PSMD13: variants seen among roughly 807,000 people sequenced by gnomAD.
PSMD13 encodes the protein 26S proteasome non-ATPase regulatory subunit 13.
PSMD13 carries 8 observed loss-of-function variants against 57.4 expected under a neutral mutation model. The ratio of observed to expected loss-of-function variants is 0.14; its 90% CI spans 0.08 to 0.25. The LOEUF is 0.25. Among genes scored for constraint, PSMD13 ranks in the 10% least tolerant of loss-of-function variants. PSMD13 has a pLI of 1.00. For synonymous variants in PSMD13, 193 were observed against 168.2 expected (o/e 1.15, Z -1.14); for missense variants, 400 against 461.5 (o/e 0.87, Z 1.22).
chr11:244,834 T>C, intron 6 of PSMD13, 73 bp downstream of exon 6: 1 of 1,238,570 alleles, frequency 8.1e-7, no homozygotes, highest in Non-Finnish European at 1.1e-6. Flanking sequence ...AATAACCTAT[T>C]TTTCTTCTTT....
rs760627990 is a variant in PSMD13, at chr11:244,444, C to A, written c.284C>A (p.Thr95Asn). Residue 95 changes from threonine (T) to asparagine (N), a missense_variant, in exon 5 of 13, where the codon ACT becomes AAT. Physicochemically the swap from Thr to Asn is moderately conservative, Grantham distance 65. Transcript: ENST00000532097. Reference protein sequence around the residue: ...RQMTDPNVALTFLEKTREKVK... With the variant: ...RQMTDPNVALNFLEKTREKVK... ...TTTCCAGATCCTAATGTGGCTCTTACTTTTCTGGAAAAGACTCGTGAGAAG... is the reference window on the plus strand; with the variant it reads ...TTTCCAGATCCTAATGTGGCTCTTAATTTTCTGGAAAAGACTCGTGAGAAG... The A allele has an allele frequency of 2.2e-5, 36 of 1,610,816 alleles. No individual in the cohort carries two copies. The highest frequency in any genetic ancestry group is 1.6e-4 in the East Asian group (7 of 44,858).
rs1859670571 is a variant in PSMD13, at chr11:247,335, A to C, written c.455A>C (p.His152Pro). 6.2e-7 allele frequency: 1 copy of C among 1,614,068 alleles called. No homozygotes were observed. The highest frequency in any genetic ancestry group is 1.1e-5 in the South Asian group (1 of 91,084). The change falls in exon 7 of 13, where the codon CAC becomes CCC. Residue 152 changes from histidine (H) to proline (P), a missense_variant. Transcript: ENST00000532097. ...AACCTTCCTGGTGTGACATCGGTTC[A>C]CAGTCGTTTCTATGATCTCTCCAGT... ...LNNLPGVTSV[H>P]SRFYDLSSKY...
chr11:252,425 C>T lies in PSMD13; in HGVS notation c.1036-80C>T. 1 of 1,304,026 alleles carries T rather than the reference C, an allele frequency of 7.7e-7. No homozygotes were observed. The highest frequency in any genetic ancestry group is 1.5e-5 in the African/African-American group (1 of 68,880). 80.8% of individuals were successfully genotyped at this position (1,304,026 alleles called of 1,614,324 possible). A position where few individuals can be genotyped will look rare whatever the true frequency, so the allele number is the denominator to read the frequency against. ...GAGTTAGCTGGAGATGTAGAGTCAC[C>T]CCATCAGGTGCTGTGCCGGCCGCTC... On this transcript the variant is annotated intron_variant, in intron 12 of 12. Transcript: ENST00000532097. The surrounding 1 kb of genome is among the most constrained non-coding windows in gnomAD (Gnocchi z 4.1).
At position 252,429 on chromosome 11, in the gene PSMD13, T is replaced by C; in HGVS notation, c.1036-76T>C. 7.4e-7 allele frequency: 1 copy of C among 1,348,418 alleles called. No homozygotes were observed. Among genetic ancestry groups the C allele is most frequent in the Non-Finnish European group, 1.1e-6 (1 of 940,922 alleles). 83.5% of individuals were successfully genotyped at this position (1,348,418 alleles called of 1,614,324 possible). On this transcript the variant is annotated intron_variant, in intron 12 of 12. Transcript: ENST00000532097. The surrounding 1 kb of genome is among the most constrained non-coding windows in gnomAD (Gnocchi z 4.1). Reference sequence around the variant, plus strand: ...TAGCTGGAGATGTAGAGTCACCCCATCAGGTGCTGTGCCGGCCGCTCGGCC... The same window carrying C: ...TAGCTGGAGATGTAGAGTCACCCCACCAGGTGCTGTGCCGGCCGCTCGGCC...
Position 239,070 on chromosome 11 carries a change from C to T in PSMD13, c.168C>T (p.Leu56=), listed in dbSNP as rs774516352. The T allele has an allele frequency of 1.2e-6, 2 of 1,613,222 alleles. No homozygotes were observed. Among genetic ancestry groups the T allele is most frequent in the Non-Finnish European group, 8.5e-7 (1 of 1,179,224 alleles). The change falls in exon 2 of 13, where the codon CTC becomes CTT. Residue 56 remains leucine, a synonymous_variant. Transcript: ENST00000532097. ...CGTGCTTTGCCCAAGGAGATGGTCT[C>T]ATTAAGGTAAATAATTTGCTATACC... ...QDPCFAQGDG[L]IKLYENFISE...
chr11:249,597 GGGGAGAGCGGCGGGTGCGGGGAGA>G (rs1481498186), intron 9 of PSMD13, among the ~76,000 whole-genome samples: 13,375 of 85,930 alleles, frequency 0.16, 4,146 homozygotes, highest in East Asian at 0.32. Flanking sequence ...GTGCGGGGAG[GGGGAGAGCGGCGGGTGCGGGGAGA>G]GGGAGAGGTC....
At chr11:238,973 G>T (rs1322522029) in intron 1 of PSMD13, 25 bp from the exon 2 acceptor site, 1 of 1,606,452 alleles carries the variant, frequency 6.2e-7, no homozygotes. Flanking sequence ...TAGGTTAGAG[G>T]TCTTAAGGGC....
intron 6 of PSMD13, among the ~76,000 whole-genome samples, chr11:245,561 T>C (rs1197513778): frequency 6.6e-6 from 1 of 152,046 alleles, no homozygotes; most frequent in African/African-American, 2.4e-5. Context: ...TCAATTATGT[T>C]TTGGTGCAGT....
At chr11:248,693 C>CT in intron 7 of PSMD13, 83 bp from the exon 8 acceptor site, 1 of 1,333,720 alleles carries the variant, frequency 7.5e-7, no homozygotes, top group Non-Finnish European at 1.1e-6. Flanking sequence ...TGTTTTTTTA[C>CT]TTTTTGTTAT....
chr11:249,878 A>C (rs1292245930), intron 9 of PSMD13, among the ~76,000 whole-genome samples: 9 of 152,158 alleles, frequency 5.9e-5, no homozygotes, highest in African/African-American at 1.9e-4. Context: ...TAAACTTGTA[A>C]AATTCATGCA....
chr11:247,606 T>G (rs1443463490), intron 7 of PSMD13, 158 bp downstream of exon 7: 1 of 716,744 alleles, frequency 1.4e-6, no homozygotes, highest in African/African-American at 1.8e-5. Flanking sequence ...CTGAAGTGAG[T>G]GGATCACCTG....
rs925408325 is a variant in PSMD13, at chr11:237,876, A to G, written c.95+732A>G. ...GCTGGCATTGGGCTGGAGCTATTCC[A>G]TAGAAAATACATCTCCTGTAGTAAC... On this transcript the variant is annotated intron_variant, in intron 1 of 12. Coordinates refer to ENST00000532097, the MANE Select transcript of PSMD13 (RefSeq NM_002817.4). Among the ~76,000 whole-genome samples the G allele has an allele frequency of 2.0e-5, 3 of 152,356 alleles. No homozygotes were observed. In the East Asian group the frequency reaches 5.8e-4, roughly 29 times the overall value.
chr11:245,118 T>C (rs1034459139), intron 6 of PSMD13, among the ~76,000 whole-genome samples: 2 of 152,116 alleles, frequency 1.3e-5, no homozygotes, highest in African/African-American at 4.8e-5. Context: ...TTTTTTTGTA[T>C]TTTTAGTAGA....
At position 237,157 on chromosome 11, in the gene PSMD13, C is replaced by T; in HGVS notation, c.95+13C>T. The T allele has an allele frequency of 6.2e-7, 1 of 1,605,706 alleles. No homozygotes were observed. The highest frequency in any genetic ancestry group is 8.5e-7 in the Non-Finnish European group (1 of 1,175,306). On this transcript the variant is annotated intron_variant, in intron 1 of 12. Coordinates refer to ENST00000532097, the MANE Select transcript of PSMD13 (RefSeq NM_002817.4). The stretch of plus-strand genomic sequence containing the variant: ...TCTACACGAAGAAGTGAGCGCCGAG[C>T]AGACGGGCCCTGGGCCCCGGCGATA...
Position 252,304 on chromosome 11 carries a change from C to A in PSMD13, c.1036-201C>A. The stretch of plus-strand genomic sequence containing the variant: ...CTGTCCTTGTCTGCTTTCTTTCATG[C>A]AAGTTTTTTCTAACGTTCCTGTGAA... On this transcript the variant is annotated intron_variant, in intron 12 of 12. Coordinates refer to ENST00000532097, the MANE Select transcript of PSMD13 (RefSeq NM_002817.4). This position sits in a 1 kb window ranked among gnomAD's most constrained non-coding sequence, Gnocchi z 4.1. The A allele has an allele frequency of 1.8e-6, 1 of 564,670 alleles. No individual in the cohort carries two copies. Among genetic ancestry groups the A allele is most frequent in the Admixed American group, 3.0e-5 (1 of 32,834 alleles). 35.0% of individuals were successfully genotyped at this position (564,670 alleles called of 1,614,324 possible).
intron 1 of PSMD13, 38 bp downstream of exon 1, chr11:237,182 AGAGGGAGACG>A (rs2133976293): frequency 6.3e-7 from 1 of 1,576,530 alleles, no homozygotes; most frequent in East Asian, 2.3e-5. Flanking sequence ...CCCCGGCGAT[AGAGGGAGACG>A]GAGGGGGCAG....
At chr11:242,371 T>C (rs184593888) in intron 2 of PSMD13, among the ~76,000 whole-genome samples, 116 of 151,512 alleles carry the variant, frequency 7.7e-4, no homozygotes, top group Non-Finnish European at 1.4e-3. Flanking sequence ...TCTGTTTGAT[T>C]AGCAAACATT....
At chr11:248,578 CA>C (rs1394562530) in intron 7 of PSMD13, 197 bp from the exon 8 acceptor site, 2 of 578,402 alleles carry the variant, frequency 3.5e-6, no homozygotes, top group Non-Finnish European at 6.1e-6. Flanking sequence ...ATGCTCCTCC[CA>C]AAAAACCCAT....
Position 239,109 on chromosome 11 carries a change from T to C in PSMD13, c.174+33T>C, listed in dbSNP as rs540719765. 7 of 1,555,594 alleles carry C rather than the reference T, an allele frequency of 4.5e-6. No homozygotes were observed. The Admixed American group carries it at 8.3e-5, about 19-fold the overall frequency. ...ATTTGCTATACCAGATTAGATTATA[T>C]GAATGTGCTCAAGGACTTTTGAAAA... On this transcript the variant is annotated intron_variant, in intron 2 of 12. Coordinates refer to ENST00000532097, the MANE Select transcript of PSMD13 (RefSeq NM_002817.4).
Sources: gnomAD v4.1 joint callset for allele counts (sites outside exome capture counted in the v4.1 genomes callset) on GRCh38, gnomAD v4.1.1 for gene constraint, Gnocchi (gnomAD v3.1) non-coding constraint, MANE v1.5 for transcripts, NCBI Gene and HGNC (gene_info 2026-07-23, HGNC 2026-07-21) for gene names.